TFDP1: variants seen among roughly 807,000 people sequenced by gnomAD.
TFDP1 encodes the protein DRTF1-polypeptide 1.
Under a neutral mutation model 48.0 loss-of-function variants are expected in TFDP1, and 6 were observed. The ratio of observed to expected loss-of-function variants is 0.13; its 90% CI spans 0.07 to 0.25. TFDP1 has a LOEUF of 0.25. Ranked by LOEUF, TFDP1 falls within the 10% of genes least tolerant of loss-of-function variation. TFDP1 has a pLI of 1.00. For synonymous variants in TFDP1, 201 were observed against 211.6 expected, an observed-to-expected ratio of 0.95 and a Z score of 0.44; for missense variants, 335 against 543.0, an observed-to-expected ratio of 0.62 and a Z score of 3.81.
At chr13:113,591,418 A>T (rs1252692544) in intron 2 of TFDP1, among the ~76,000 whole-genome samples, 1 of 152,184 alleles carries the variant, frequency 6.6e-6, no homozygotes, top group Non-Finnish European at 1.5e-5. Context: ...TCTGGTATAA[A>T]ATTCAAAGAA....
At chr13:113,625,257 C>T (rs1279910643) in intron 4 of TFDP1, among the ~76,000 whole-genome samples, 2 of 124,680 alleles carry the variant, frequency 1.6e-5, no homozygotes, top group African/African-American at 7.2e-5. Context: ...CTCAGGGTAT[C>T]TCTCACATGT....
At chr13:113,588,892 G>A (rs1257652361) in intron 2 of TFDP1, among the ~76,000 whole-genome samples, 3 of 151,920 alleles carry the variant, frequency 2.0e-5, no homozygotes, top group Non-Finnish European at 4.4e-5. Flanking sequence ...TAGGTGGAGA[G>A]TGAGTGGTGA....
At chr13:113,608,519 G>C (rs575546479) in intron 2 of TFDP1, among the ~76,000 whole-genome samples, 24 of 152,314 alleles carry the variant, frequency 1.6e-4, no homozygotes, top group African/African-American at 5.8e-4. Flanking sequence ...CACGGGGCTG[G>C]AGCATGCTGC....
chr13:113,622,345 C>G (rs929802453), intron 3 of TFDP1, among the ~76,000 whole-genome samples: 1 of 152,216 alleles, frequency 6.6e-6, no homozygotes, highest in African/African-American at 2.4e-5. Flanking sequence ...GGGCCGGTCC[C>G]TACAGTGGGG....
At position 113,624,935 on chromosome 13, in the gene TFDP1, G is replaced by C. The variant is rs559992961; in HGVS notation, c.186+1649G>C. Among the ~76,000 whole-genome samples, 224 of 133,808 alleles carry C rather than the reference G, an allele frequency of 1.7e-3. 1 individual carries two copies. The highest frequency in any genetic ancestry group is 2.7e-3 in the Non-Finnish European group (174 of 63,752). The allele number at this position is 133,808 out of a possible 152,430, so 87.8% of individuals were successfully genotyped here. A position where few individuals can be genotyped will look rare whatever the true frequency, so the allele number is the denominator to read the frequency against. ...ACTTGTCCTCAGGTGTTTCTCAGGT[G>C]TCTCTCACATGTCCCCAGGTGTCTC... On this transcript the variant is annotated intron_variant, in intron 4 of 11. Coordinates refer to ENST00000375370, the MANE Select transcript of TFDP1 (RefSeq NM_007111.5).
intron 2 of TFDP1, among the ~76,000 whole-genome samples, chr13:113,610,459 TG>T (rs2048682516): frequency 6.7e-6 from 1 of 150,156 alleles, no homozygotes; most frequent in South Asian, 2.1e-4. Context: ...TGTGTGGCTG[TG>T]CCATCACGTG....
rs2049614613 is a variant in TFDP1 at position 113,640,414 on chromosome 13, AG to A, written c.*149del. On this transcript the variant is annotated 3_prime_UTR_variant, in exon 12 of 12. Transcript: ENST00000375370. ...TTTAGATATGCACCTCTGATAAGCAAGGATTGTTTCCCGTAGGATTAGGACG... is the reference window on the plus strand; with the variant it reads ...TTTAGATATGCACCTCTGATAAGCAAGATTGTTTCCCGTAGGATTAGGACG... 1.5e-6 allele frequency: 2 copies of A among 1,355,144 alleles called. No homozygotes were observed. The highest frequency in any genetic ancestry group is 2.0e-6 in the Non-Finnish European group (2 of 1,016,292). 83.9% of individuals were successfully genotyped at this position (1,355,144 alleles called of 1,614,324 possible).
At position 113,640,346 on chromosome 13, in the gene TFDP1, TC is replaced by T. The variant is rs1008538241; in HGVS notation, c.*81del. 2.4e-5 allele frequency: 36 copies of T among 1,529,394 alleles called. No homozygotes were observed. In the African/African-American group the frequency reaches 4.7e-4, roughly 20 times the overall value. The allele number at this position is 1,529,394 out of a possible 1,614,324, so 94.7% of individuals were successfully genotyped here. On this transcript the variant is annotated 3_prime_UTR_variant, in exon 12 of 12. Transcript: ENST00000375370. The stretch of plus-strand genomic sequence containing the variant: ...TTTTTTTTAATGTGGGTTTTCTGTT[TC>T]CTTTTGGCCTACTCCCAAGAAGATA...
intron 2 of TFDP1, among the ~76,000 whole-genome samples, chr13:113,603,278 T>C (rs2048485616): frequency 6.6e-6 from 1 of 152,206 alleles, no homozygotes; most frequent in South Asian, 2.1e-4. Context: ...CGCACCCTCC[T>C]GGGTCTCTAG....
chr13:113,631,542 G>A lies in TFDP1; in HGVS notation c.187-81G>A, dbSNP rs1050356361. On this transcript the variant is annotated intron_variant, in intron 4 of 11. Transcript: ENST00000375370. Reference sequence around the variant, plus strand: ...GTTAAGGAAATTCAGCAGTGGCTGCGGATAGCGAACAGATGGTGGGCATGG... The same window carrying A: ...GTTAAGGAAATTCAGCAGTGGCTGCAGATAGCGAACAGATGGTGGGCATGG... 299 of 1,504,292 alleles carry A rather than the reference G, an allele frequency of 2.0e-4. 1 individual carries two copies. Among genetic ancestry groups the A allele is most frequent in the Non-Finnish European group, 6.1e-5 (69 of 1,128,776 alleles). The allele number at this position is 1,504,292 out of a possible 1,614,324, so 93.2% of individuals were successfully genotyped here.
intron 11 of TFDP1, among the ~76,000 whole-genome samples, 160 bp downstream of exon 11, chr13:113,638,056 T>G (rs2049541211): frequency 6.6e-6 from 1 of 152,192 alleles, no homozygotes; most frequent in Non-Finnish European, 1.5e-5. Context: ...TTTCCCTGTG[T>G]GGAGAGCTGC....
intron 2 of TFDP1, among the ~76,000 whole-genome samples, chr13:113,610,447 G>A (rs576058374): frequency 4.0e-5 from 6 of 149,764 alleles, no homozygotes; most frequent in East Asian, 2.0e-4. Flanking sequence ...ATGTGCCCCC[G>A]CTGTGTGGCT....
chr13:113,600,259 C>A (rs1455046166), intron 2 of TFDP1, among the ~76,000 whole-genome samples: 1 of 134,064 alleles, frequency 7.5e-6, no homozygotes, highest in African/African-American at 2.9e-5. Context: ...AGAACCCTCA[C>A]ACATAGGGCT....
At chr13:113,632,044 C>T in intron 5 of TFDP1, 1 of 401,750 alleles carries the variant, frequency 2.5e-6, no homozygotes, top group Admixed American at 4.3e-5. Flanking sequence ...TGGCCTCGTA[C>T]TCGCCACAGG....
At chr13:113,606,754 A>G (rs914139602) in intron 2 of TFDP1, among the ~76,000 whole-genome samples, 1 of 152,174 alleles carries the variant, frequency 6.6e-6, no homozygotes, top group East Asian at 1.9e-4. Context: ...CCTTTATGGA[A>G]AGGAGAGTTT....
chr13:113,623,321 C>A lies in TFDP1; in HGVS notation c.186+35C>A. 6.4e-7 allele frequency: 1 copy of A among 1,569,134 alleles called. No homozygotes were observed. Reference sequence around the variant, plus strand: ...CCGCAGGAGCGGACAGCCGGGATCTCGGTGTGAGGTCGGGATCGGATGAGC... The same window carrying A: ...CCGCAGGAGCGGACAGCCGGGATCTAGGTGTGAGGTCGGGATCGGATGAGC... On this transcript the variant is annotated intron_variant, in intron 4 of 11. Transcript: ENST00000375370. The surrounding 1 kb of genome is among the most constrained non-coding windows in gnomAD (Gnocchi z 5.2).
intron 2 of TFDP1, among the ~76,000 whole-genome samples, chr13:113,604,652 G>GGTGT (rs10659711): frequency 1 from 152,316 of 152,326 alleles, 76,153 homozygotes; most frequent in Middle Eastern, 1. Context: ...GACCTCGGCT[G>GGTGT]TCCTGTTAAC....
intron 3 of TFDP1, among the ~76,000 whole-genome samples, chr13:113,613,623 A>AGG (rs2048767151): frequency 1.0e-5 from 1 of 97,218 alleles, no homozygotes; most frequent in Non-Finnish European, 1.9e-5. Context: ...TGGGTATGTG[A>AGG]GGAGTGTGTG....
chr13:113,640,108 C>T lies in TFDP1; in HGVS notation c.1086-12C>T. Reference sequence around the variant, plus strand: ...CCTGCACTGACGGCGCCATCCGCCTCCTGCCTTGCAGTGACCTGACCAACG... The same window carrying T: ...CCTGCACTGACGGCGCCATCCGCCTTCTGCCTTGCAGTGACCTGACCAACG... On this transcript the variant is annotated splice_polypyrimidine_tract_variant and intron_variant, in intron 11 of 11. Transcript: ENST00000375370. The T allele has an allele frequency of 6.3e-7, 1 of 1,580,518 alleles. No homozygotes were observed. The highest frequency in any genetic ancestry group is 8.6e-7 in the Non-Finnish European group (1 of 1,165,724).
Sources: gnomAD v4.1 joint callset for allele counts (sites outside exome capture counted in the v4.1 genomes callset) on GRCh38, gnomAD v4.1.1 for gene constraint, Gnocchi (gnomAD v3.1) non-coding constraint, MANE v1.5 for transcripts, NCBI Gene and HGNC (gene_info 2026-07-23, HGNC 2026-07-21) for gene names.